The following AREL1 variants were observed in gnomAD, a reference collection of about 807,000 sequenced individuals.
AREL1 encodes the protein apoptosis resistant E3 ubiquitin protein ligase 1.
Under a neutral mutation model 99.0 loss-of-function variants are expected in AREL1, and 62 were observed. That is an observed-to-expected ratio of 0.63 (90% CI 0.51 to 0.77). The LOEUF (loss-of-function observed/expected upper bound fraction) is 0.77, where lower values mean the gene tolerates loss of function less well. AREL1 is among the 30% of genes least tolerant of loss of function. The pLI, the probability that AREL1 is intolerant of heterozygous loss-of-function variation, is 0.00. For synonymous variants in AREL1, 380 were observed against 376.5 expected, an observed-to-expected ratio of 1.01 and a Z score of -0.11; for missense variants, 879 against 1,027.6, an observed-to-expected ratio of 0.86 and a Z score of 1.98.
intron 13 of AREL1, 132 bp from the exon 14 acceptor site, chr14:74,670,258 TA>T (rs1476381238): frequency 1.2e-5 from 11 of 908,696 alleles, no homozygotes; most frequent in Non-Finnish European, 1.7e-5. Context: ...ATCCAAATGT[TA>T]GTTTTTTGGT....
At position 74,663,454 on chromosome 14, in the gene AREL1, T is replaced by C; in HGVS notation, c.*266A>G. The C allele has an allele frequency of 2.1e-6, 1 of 469,508 alleles. No individual in the cohort carries two copies. Among genetic ancestry groups the C allele is most frequent in the Non-Finnish European group, 3.9e-6 (1 of 253,924 alleles). 29.1% of individuals were successfully genotyped at this position (469,508 alleles called of 1,614,324 possible). A position where few individuals can be genotyped will look rare whatever the true frequency, so the allele number is the denominator to read the frequency against. ...CTACTGAGATCTTCAAAGGACCAAATAAATGATAGCAGCATGGTCCTCTTC... is the reference window on the plus strand; with the variant it reads ...CTACTGAGATCTTCAAAGGACCAAACAAATGATAGCAGCATGGTCCTCTTC... On this transcript the variant is annotated 3_prime_UTR_variant, in exon 20 of 20. Transcript: ENST00000356357.
At position 74,663,618 on chromosome 14, in the gene AREL1, T is replaced by G. The variant is rs1429088632; in HGVS notation, c.*102A>C. On this transcript the variant is annotated 3_prime_UTR_variant, in exon 20 of 20. Transcript: ENST00000356357. ...ACACAGGGGAGCATGCGGCATCTTC[T>G]GGCTGATGGTTATGTGTGTTAGGAT... 1 of 1,216,872 alleles carries G rather than the reference T, an allele frequency of 8.2e-7. No homozygotes were observed. Among genetic ancestry groups the G allele is most frequent in the East Asian group, 2.3e-5 (1 of 42,820 alleles). The allele number at this position is 1,216,872 out of a possible 1,614,324, so 75.4% of individuals were successfully genotyped here.
chr14:74,678,498 A>G (rs1165091842), intron 5 of AREL1, among the ~76,000 whole-genome samples: 2 of 149,120 alleles, frequency 1.3e-5, no homozygotes, highest in East Asian at 3.9e-4. Flanking sequence ...CCCTGCCTCA[A>G]AAAAAAAAAA....
intron 15 of AREL1, 71 bp from the exon 16 acceptor site, chr14:74,667,665 G>A (rs2089239382): frequency 1.3e-6 from 2 of 1,520,954 alleles, no homozygotes; most frequent in South Asian, 1.3e-5. Flanking sequence ...CATCTGCCTG[G>A]ATGTTTTATA....
At chr14:74,699,247 G>A (rs951247599) in intron 1 of AREL1, among the ~76,000 whole-genome samples, 2 of 152,120 alleles carry the variant, frequency 1.3e-5, no homozygotes, top group Non-Finnish European at 2.9e-5. Flanking sequence ...TTCTCTGTGT[G>A]GGTTTTCTCT....
chr14:74,673,900 A>C (rs2089413949), intron 9 of AREL1, 134 bp downstream of exon 9: 2 of 655,254 alleles, frequency 3.1e-6, no homozygotes, highest in Admixed American at 6.1e-5. Flanking sequence ...ATGATGCTTT[A>C]TTTGGCAACG....
At chr14:74,674,484 C>T (rs1251247399) in intron 8 of AREL1, among the ~76,000 whole-genome samples, 3 of 152,106 alleles carry the variant, frequency 2.0e-5, no homozygotes, top group Admixed American at 6.5e-5. Context: ...TGCCTGTAAT[C>T]CCAAGTACTC....
At chr14:74,690,849 G>A (rs1172715048) in intron 2 of AREL1, among the ~76,000 whole-genome samples, 1 of 152,082 alleles carries the variant, frequency 6.6e-6, no homozygotes, top group Non-Finnish European at 1.5e-5. Context: ...ACTTATCACA[G>A]GCCAAACACT....
chr14:74,711,247 A>T (rs1196680916), intron 1 of AREL1, among the ~76,000 whole-genome samples: 1 of 148,230 alleles, frequency 6.7e-6, no homozygotes, highest in Non-Finnish European at 1.5e-5. Context: ...AAAAAAAAAA[A>T]AAAAAATTGG....
intron 15 of AREL1, 94 bp downstream of exon 15, chr14:74,669,555 A>AACATTTC: frequency 6.8e-7 from 1 of 1,472,312 alleles, no homozygotes; most frequent in East Asian, 2.3e-5. Context: ...ACAAATATGG[A>AACATTTC]ACATTTCCAC....
At chr14:74,672,079 GTTCCTT>G in intron 11 of AREL1, 1 of 425,438 alleles carries the variant, frequency 2.4e-6, no homozygotes, top group South Asian at 1.6e-5. Flanking sequence ...CACATCAGGT[GTTCCTT>G]TTCCATCAGA....
chr14:74,664,610 C>G (rs1466122741), intron 18 of AREL1, among the ~76,000 whole-genome samples: 3 of 142,220 alleles, frequency 2.1e-5, no homozygotes, highest in Admixed American at 7.0e-5. Flanking sequence ...CCACACCCAG[C>G]TAATTTTTTT....
chr14:74,698,930 G>C (rs2090025988), intron 1 of AREL1: 1 of 156,438 alleles, frequency 6.4e-6, no homozygotes, highest in African/African-American at 2.4e-5. Context: ...AGGCTGAGGT[G>C]GGAGGATCAT....
At chr14:74,685,701 GCCTCATA>G (rs2089733258) in intron 2 of AREL1, 41 bp from the exon 3 acceptor site, 1 of 1,552,308 alleles carries the variant, frequency 6.4e-7, no homozygotes. Context: ...CTCCAACTCT[GCCTCATA>G]GCTATCTCAG....
chr14:74,682,602 C>T (rs2089655072), intron 5 of AREL1, among the ~76,000 whole-genome samples: 1 of 152,198 alleles, frequency 6.6e-6, no homozygotes, highest in African/African-American at 2.4e-5. Flanking sequence ...GATATTTGTA[C>T]CCTCCAAATC....
Position 74,713,006 on chromosome 14 carries a change from G to T in AREL1, c.-407C>A. The T allele has an allele frequency of 1.1e-6, 1 of 901,716 alleles. No homozygotes were observed. The highest frequency in any genetic ancestry group is 1.6e-5 in the African/African-American group (1 of 61,098). 55.9% of individuals were successfully genotyped at this position (901,716 alleles called of 1,614,324 possible). A position where few individuals can be genotyped will look rare whatever the true frequency, so the allele number is the denominator to read the frequency against. On this transcript the variant is annotated 5_prime_UTR_variant, in exon 1 of 20. Transcript: ENST00000356357. ...GAAGGGGCGGCAGCACTCAGCAGAA[G>T]ACGGGCTCCCCACTCTCCCACCAAC... is the stretch of plus-strand genomic sequence containing the variant.
intron 10 of AREL1, 30 bp downstream of exon 10, chr14:74,673,047 C>T (rs753261124): frequency 1.2e-6 from 2 of 1,614,058 alleles, no homozygotes; most frequent in Non-Finnish European, 1.7e-6. Context: ...GGCTCACTAC[C>T]TTCCCTATAG....
chr14:74,698,369 C>T (rs1281216655), intron 1 of AREL1, among the ~76,000 whole-genome samples: 1 of 152,148 alleles, frequency 6.6e-6, no homozygotes, highest in African/African-American at 2.4e-5. Flanking sequence ...GCTTCTAGAA[C>T]ATTCTTGCCT....
At chr14:74,667,951 T>C (rs2089245043) in intron 15 of AREL1, among the ~76,000 whole-genome samples, 1 of 152,242 alleles carries the variant, frequency 6.6e-6, no homozygotes. Context: ...TCTAAGCAAC[T>C]AAGAGTAAAA....
Sources: allele counts gnomAD v4.1 joint callset (sites outside exome capture counted in the v4.1 genomes callset), GRCh38; gene constraint gnomAD v4.1.1; transcripts MANE v1.5; gene names NCBI Gene and HGNC (gene_info 2026-07-23, HGNC 2026-07-21).